Variants in AGBL4 observed in about 807,000 individuals in gnomAD.
The protein encoded by AGBL4 is cytosolic carboxypeptidase 6.
In AGBL4, 58 loss-of-function variants were observed where a neutral mutation model predicts 66.4. The ratio of observed to expected loss-of-function variants is 0.87; its 90% CI spans 0.71 to 1.09. The LOEUF is 1.09. AGBL4 is among the 50% of genes least tolerant of loss of function. The pLI is 0.00. For missense variants in AGBL4, 579 were observed against 631.0 expected, an observed-to-expected ratio of 0.92 and a Z score of 0.88; for synonymous variants, 234 against 222.9, an observed-to-expected ratio of 1.05 and a Z score of -0.44.
intron 4 of AGBL4, among the ~76,000 whole-genome samples, chr1:49,115,130 T>C (rs1206323529): frequency 2.6e-5 from 4 of 152,044 alleles, no homozygotes; most frequent in Non-Finnish European, 5.9e-5. Flanking sequence ...TAAAATGAGG[T>C]ATATCTGTAG....
intron 2 of AGBL4, among the ~76,000 whole-genome samples, chr1:49,810,328 CA>C (rs1428965556): frequency 3.3e-5 from 5 of 151,880 alleles, no homozygotes; most frequent in Admixed American, 1.3e-4. Context: ...TAATGTATGT[CA>C]TTAAAGGGCC....
intron 2 of AGBL4, among the ~76,000 whole-genome samples, chr1:49,788,499 T>G (rs1055806669): frequency 6.6e-6 from 1 of 151,002 alleles, no homozygotes; most frequent in Non-Finnish European, 1.5e-5. Flanking sequence ...GAGCATATTA[T>G]AAATATCTTC....
chr1:49,359,604 A>G (rs545008813), intron 3 of AGBL4, among the ~76,000 whole-genome samples: 6 of 152,194 alleles, frequency 3.9e-5, no homozygotes, highest in Non-Finnish European at 7.3e-5. Flanking sequence ...AGTTGACCTC[A>G]TGCTCTTCCA....
At chr1:49,105,938 T>C (rs1348283153) in intron 4 of AGBL4, among the ~76,000 whole-genome samples, 1 of 152,178 alleles carries the variant, frequency 6.6e-6, no homozygotes, top group Non-Finnish European at 1.5e-5. Flanking sequence ...ACTAAACTCT[T>C]TTTATAGAAA....
chr1:49,294,583 C>G (rs1570365918), intron 3 of AGBL4, among the ~76,000 whole-genome samples: 1 of 152,150 alleles, frequency 6.6e-6, no homozygotes, highest in African/African-American at 2.4e-5. Flanking sequence ...TGTGCTTTCC[C>G]ACATCTAAAA....
At chr1:49,824,320 CT>C (rs1214670473) in intron 2 of AGBL4, among the ~76,000 whole-genome samples, 2 of 152,122 alleles carry the variant, frequency 1.3e-5, no homozygotes, top group African/African-American at 4.8e-5. Flanking sequence ...GGATATGGTT[CT>C]TGGGCTGACA....
chr1:49,965,928 CTA>C (rs1387336179), intron 1 of AGBL4, among the ~76,000 whole-genome samples: 1 of 150,494 alleles, frequency 6.6e-6, no homozygotes, highest in Non-Finnish European at 1.5e-5. Flanking sequence ...CCCCATTAGT[CTA>C]TTACAATGAT....
At chr1:49,677,197 AAGG>A (rs1251396624) in intron 3 of AGBL4, among the ~76,000 whole-genome samples, 1 of 152,022 alleles carries the variant, frequency 6.6e-6, no homozygotes, top group African/African-American at 2.4e-5. Flanking sequence ...TGAATGCCTT[AAGG>A]AGAAGAACTA....
At chr1:48,814,609 C>CT (rs10708061) in intron 6 of AGBL4, among the ~76,000 whole-genome samples, 73 of 131,624 alleles carry the variant, frequency 5.5e-4, no homozygotes, top group African/African-American at 1.2e-3. Flanking sequence ...ATGAGATCAA[C>CT]TTTTTTTTTT....
At chr1:48,857,486 C>G (rs1440633544) in intron 6 of AGBL4, among the ~76,000 whole-genome samples, 1 of 152,040 alleles carries the variant, frequency 6.6e-6, no homozygotes, top group Non-Finnish European at 1.5e-5. Flanking sequence ...ATTTGGGAGG[C>G]TGAGGCAGGC....
intron 4 of AGBL4, among the ~76,000 whole-genome samples, chr1:49,092,746 T>C (rs1480080284): frequency 6.6e-6 from 1 of 152,140 alleles, no homozygotes; most frequent in African/African-American, 2.4e-5. Flanking sequence ...CACCTCTGCA[T>C]CTTAGCTCTC....
chr1:49,569,645 G>T (rs926087208), intron 3 of AGBL4, among the ~76,000 whole-genome samples: 1 of 152,056 alleles, frequency 6.6e-6, no homozygotes, highest in Non-Finnish European at 1.5e-5. Context: ...CCCATAGATT[G>T]CATATGGATC....
intron 5 of AGBL4, among the ~76,000 whole-genome samples, chr1:48,887,183 G>A (rs1650444364): frequency 6.6e-6 from 1 of 152,186 alleles, no homozygotes; most frequent in Admixed American, 6.5e-5. Context: ...CATCTGCAGT[G>A]TGGTGAATAT....
rs372409495 is a variant in AGBL4, at chr1:48,791,683, A to C, written c.634+75508T>G. On this transcript the variant is annotated intron_variant, in intron 6 of 13. Transcript: ENST00000371839. ...TTAGCTGTGCAGATCTGACTAAGTC[A>C]CTTGTCTTGTTAAGTTTTCTCATTT... Among the ~76,000 whole-genome samples, 33 of 152,334 alleles carry C rather than the reference A, an allele frequency of 2.2e-4. 1 individual carries two copies. The highest frequency in any genetic ancestry group is 7.9e-4 in the African/African-American group (33 of 41,578).
intron 3 of AGBL4, among the ~76,000 whole-genome samples, chr1:49,505,860 T>C (rs1648632600): frequency 6.6e-6 from 1 of 152,062 alleles, no homozygotes; most frequent in East Asian, 1.9e-4. Context: ...TCCTATACCA[T>C]GTACATTTGC....
intron 12 of AGBL4, among the ~76,000 whole-genome samples, chr1:48,538,075 T>C (rs1465259321): frequency 2.0e-5 from 3 of 152,172 alleles, no homozygotes; most frequent in African/African-American, 4.8e-5. Flanking sequence ...GTTTCTAATA[T>C]GCCATGGTGG....
At chr1:48,810,941 T>C (rs1353508804) in intron 6 of AGBL4, among the ~76,000 whole-genome samples, 1 of 152,232 alleles carries the variant, frequency 6.6e-6, no homozygotes, top group Non-Finnish European at 1.5e-5. Flanking sequence ...GATTGTCTGC[T>C]GTGCTTGTCC....
chr1:48,947,301 C>A (rs1399236028), intron 5 of AGBL4, among the ~76,000 whole-genome samples: 2 of 152,170 alleles, frequency 1.3e-5, no homozygotes, highest in African/African-American at 4.8e-5. Flanking sequence ...TCTACTTTGC[C>A]AGAATGAAGA....
chr1:49,596,462 C>T lies in AGBL4; in HGVS notation c.282+100851G>A, dbSNP rs556647999. Among the ~76,000 whole-genome samples, 9 of 152,260 alleles carry T rather than the reference C, an allele frequency of 5.9e-5. No homozygotes were observed. The East Asian group carries it at 9.7e-4, about 16-fold the overall frequency. On this transcript the variant is annotated intron_variant, in intron 3 of 13. Coordinates refer to ENST00000371839, the MANE Select transcript of AGBL4 (RefSeq NM_032785.4). The stretch of plus-strand genomic sequence containing the variant: ...GTGGGATTACAGCTGTGAGGCACTA[C>T]GCCCAGCCTGTCCTCCCTCTTTAAA...
Sources: allele counts gnomAD v4.1 joint callset (sites outside exome capture counted in the v4.1 genomes callset), GRCh38; gene constraint gnomAD v4.1.1; transcripts MANE v1.5; gene names NCBI Gene and HGNC (gene_info 2026-07-23, HGNC 2026-07-21).